ZNF623: variants seen among roughly 807,000 people sequenced by gnomAD.
The protein encoded by ZNF623 is zinc finger protein 623.
ZNF623 carries 16 observed loss-of-function variants against 24.0 expected under a neutral mutation model. That is an observed-to-expected ratio of 0.67 (90% confidence interval 0.45 to 1.01). The LOEUF is 1.01. ZNF623 is among the 50% of genes least tolerant of loss of function. ZNF623 has a pLI of 0.00. For synonymous variants in ZNF623, 224 were observed against 219.8 expected (o/e 1.02, Z -0.17); for missense variants, 566 against 606.5 (o/e 0.93, Z 0.70).
Position 143,651,999 on chromosome 8 carries a change from C to G in ZNF623, c.*516C>G, listed in dbSNP as rs1047327118. ...GTCCTGGAGCCCTGCCTCCCACTGC[C>G]TGACTTCCTGCCACACGGTTAATGC... is the stretch of plus-strand genomic sequence containing the variant. On this transcript the variant is annotated 3_prime_UTR_variant, in exon 2 of 2. Transcript: ENST00000526926. The G allele has an allele frequency of 5.9e-6, 1 of 168,354 alleles. No homozygotes were observed. The highest frequency in any genetic ancestry group is 1.5e-5 in the Non-Finnish European group (1 of 68,878). 10.4% of individuals were successfully genotyped at this position (168,354 alleles called of 1,614,324 possible). A position where few individuals can be genotyped will look rare whatever the true frequency, so the allele number is the denominator to read the frequency against.
At chr8:143,644,082 G>T (rs1423305769) in intron 1 of ZNF623, among the ~76,000 whole-genome samples, 2 of 152,122 alleles carry the variant, frequency 1.3e-5, no homozygotes, top group African/African-American at 4.8e-5. Flanking sequence ...GTACGGTGTT[G>T]TGATCTCTGC....
At chr8:143,647,157 T>TTGTTTTG (rs1554605151) in intron 1 of ZNF623, among the ~76,000 whole-genome samples, 1 of 151,378 alleles carries the variant, frequency 6.6e-6, no homozygotes, top group Non-Finnish European at 1.5e-5. Flanking sequence ...GTTTTTTTTT[T>TTGTTTTG]TTTTGTTTTG....
At chr8:143,644,404 C>T (rs928741618) in intron 1 of ZNF623, among the ~76,000 whole-genome samples, 1 of 152,088 alleles carries the variant, frequency 6.6e-6, no homozygotes, top group African/African-American at 2.4e-5. Flanking sequence ...ATTATATTGG[C>T]AGTGGCCTTG....
At chr8:143,645,810 C>G (rs1464910956) in intron 1 of ZNF623, among the ~76,000 whole-genome samples, 1 of 152,108 alleles carries the variant, frequency 6.6e-6, no homozygotes, top group Non-Finnish European at 1.5e-5. Context: ...GTTCTCACCT[C>G]GCACCCTGAG....
intron 1 of ZNF623, among the ~76,000 whole-genome samples, chr8:143,643,923 G>A (rs535958921): frequency 1.3e-5 from 2 of 152,272 alleles, no homozygotes; most frequent in East Asian, 1.9e-4. Context: ...TGCAGGGTAG[G>A]CTTGCAGTTT....
intron 1 of ZNF623, among the ~76,000 whole-genome samples, chr8:143,646,873 C>G (rs982387832): frequency 2.6e-5 from 4 of 152,034 alleles, no homozygotes; most frequent in African/African-American, 9.7e-5. Context: ...TCTACCTTGC[C>G]CAGGCAGACG....
Position 143,651,607 on chromosome 8 carries a change from G to C in ZNF623, c.*124G>C, listed in dbSNP as rs1815323929. The C allele has an allele frequency of 8.1e-6, 9 of 1,113,678 alleles. No homozygotes were observed. The highest frequency in any genetic ancestry group is 1.1e-5 in the Non-Finnish European group (9 of 785,130). 69.0% of individuals were successfully genotyped at this position (1,113,678 alleles called of 1,614,324 possible). On this transcript the variant is annotated 3_prime_UTR_variant, in exon 2 of 2. Transcript: ENST00000526926. ...ATGGATGGGGCTGCTTTTGCAGTGG[G>C]TGCCACCTGCCACTGTGCAGCCCTA...
rs1815377404 is a variant in ZNF623, at chr8:143,653,151, GT to G, written c.*1670del. 1 of 167,106 alleles carries G rather than the reference GT, an allele frequency of 6.0e-6. No individual in the cohort carries two copies. Among genetic ancestry groups the G allele is most frequent in the Non-Finnish European group, 1.5e-5 (1 of 68,136 alleles). The allele number at this position is 167,106 out of a possible 1,614,324, so 10.4% of individuals were successfully genotyped here. On this transcript the variant is annotated 3_prime_UTR_variant, in exon 2 of 2. Coordinates refer to ENST00000526926, the MANE Select transcript of ZNF623 (RefSeq NM_001261843.2). ...GACAGATGGCTTTTTGGCTAGGACTGTTCGAAAGCAGGCGAGGTAAATGGAC... is the reference window on the plus strand; with the variant it reads ...GACAGATGGCTTTTTGGCTAGGACTGTCGAAAGCAGGCGAGGTAAATGGAC...
At chr8:143,644,178 A>T (rs934833577) in intron 1 of ZNF623, among the ~76,000 whole-genome samples, 3 of 151,932 alleles carry the variant, frequency 2.0e-5, no homozygotes, top group African/African-American at 7.3e-5. Flanking sequence ...ATGCCACCAC[A>T]CCTGGATAAT....
At chr8:143,643,733 G>A (rs546294294) in intron 1 of ZNF623, among the ~76,000 whole-genome samples, 3 of 152,204 alleles carry the variant, frequency 2.0e-5, no homozygotes, top group Admixed American at 6.5e-5. Flanking sequence ...AAATGGAGTC[G>A]TACAATATGA....
At chr8:143,649,410 G>A (rs1336182799) in intron 1 of ZNF623, among the ~76,000 whole-genome samples, 6 of 152,090 alleles carry the variant, frequency 3.9e-5, no homozygotes, top group African/African-American at 1.4e-4. Context: ...AGGGGAGCCC[G>A]ATTCTGTGCA....
At chr8:143,640,333 T>C (rs564540716) in intron 1 of ZNF623, among the ~76,000 whole-genome samples, 1 of 152,362 alleles carries the variant, frequency 6.6e-6, no homozygotes, top group South Asian at 2.1e-4. Flanking sequence ...GGCTGCTGAC[T>C]GATCAGGGTG....
intron 1 of ZNF623, among the ~76,000 whole-genome samples, chr8:143,645,431 C>A (rs1440894687): frequency 2.5e-4 from 35 of 142,766 alleles, no homozygotes; most frequent in African/African-American, 5.2e-4. Flanking sequence ...GACTCCATCT[C>A]AAAAAAAAAA....
At chr8:143,642,629 G>C (rs571064584) in intron 1 of ZNF623, among the ~76,000 whole-genome samples, 1 of 152,136 alleles carries the variant, frequency 6.6e-6, no homozygotes, top group African/African-American at 2.4e-5. Flanking sequence ...CTCCTTTCAC[G>C]TGAGAGGCCA....
chr8:143,653,168 G>A lies in ZNF623; in HGVS notation c.*1685G>A, dbSNP rs554103327. ...CTAGGACTGTTCGAAAGCAGGCGAGGTAAATGGACAGTGGACAGCCGCCTC... is the reference window on the plus strand; with the variant it reads ...CTAGGACTGTTCGAAAGCAGGCGAGATAAATGGACAGTGGACAGCCGCCTC... On this transcript the variant is annotated 3_prime_UTR_variant, in exon 2 of 2. Coordinates refer to ENST00000526926, the MANE Select transcript of ZNF623 (RefSeq NM_001261843.2). 14 of 167,112 alleles carry A rather than the reference G, an allele frequency of 8.4e-5. No individual in the cohort carries two copies. Among genetic ancestry groups the A allele is most frequent in the South Asian group, 6.2e-4 (3 of 4,836 alleles). 10.4% of individuals were successfully genotyped at this position (167,112 alleles called of 1,614,324 possible).
In ZNF623 at chr8:143,649,788, G is replaced by A. The variant is rs888938161; in HGVS notation, c.-95-110G>A. 5.0e-6 allele frequency: 7 copies of A among 1,388,164 alleles called. No homozygotes were observed. In the African/African-American group the frequency reaches 7.1e-5, roughly 14 times the overall value. The allele number at this position is 1,388,164 out of a possible 1,614,324, so 86.0% of individuals were successfully genotyped here. A position where few individuals can be genotyped will look rare whatever the true frequency, so the allele number is the denominator to read the frequency against. On this transcript the variant is annotated intron_variant, in intron 1 of 1. Coordinates refer to ENST00000526926, the MANE Select transcript of ZNF623 (RefSeq NM_001261843.2). ...GCAGCATGTTGGGTCAGGATGAGGGGCAGAGGAAACACTTTCCACCTCTTG... is the reference window on the plus strand; with the variant it reads ...GCAGCATGTTGGGTCAGGATGAGGGACAGAGGAAACACTTTCCACCTCTTG...
At chr8:143,641,335 G>A (rs1407646902) in intron 1 of ZNF623, among the ~76,000 whole-genome samples, 1 of 152,120 alleles carries the variant, frequency 6.6e-6, no homozygotes, top group Non-Finnish European at 1.5e-5. Context: ...GTGACTCCCA[G>A]CCAGGGGCTG....
At position 143,639,786 on chromosome 8, in the gene ZNF623, G is replaced by C. The variant is rs1050003358; in HGVS notation, c.-96+3641G>C. ...GTGTTTCAAATAAGAAACTTGAGTT[G>C]TCTTATTCTCTCTTAAAGGTAGGGT... On this transcript the variant is annotated intron_variant, in intron 1 of 1. Coordinates refer to ENST00000526926, the MANE Select transcript of ZNF623 (RefSeq NM_001261843.2). 2.6e-5 allele frequency among the ~76,000 whole-genome samples: 4 copies of C among 152,326 alleles called. No individual in the cohort carries two copies. In the South Asian group the frequency reaches 8.3e-4, roughly 32 times the overall value.
chr8:143,651,213 T>C lies in ZNF623; in HGVS notation c.1221T>C (p.Leu407=). 6.2e-7 allele frequency: 1 copy of C among 1,614,176 alleles called. No homozygotes were observed. The highest frequency in any genetic ancestry group is 1.1e-5 in the South Asian group (1 of 91,090). Reference sequence around the variant, plus strand: ...CCTTCATCCAGAGCTCCAAGCTGCTTCTGCACCAGATTATTCACACTGGAG... The same window carrying C: ...CCTTCATCCAGAGCTCCAAGCTGCTCCTGCACCAGATTATTCACACTGGAG... ...GKAFIQSSKL[L]LHQIIHTGEK... is the part of the protein sequence containing the mutation. The change falls in exon 2 of 2, where the codon CTT becomes CTC. Residue 407 remains leucine (L), a synonymous_variant. Transcript: ENST00000526926.
Sources: gnomAD v4.1 joint callset for allele counts (sites outside exome capture counted in the v4.1 genomes callset) on GRCh38, gnomAD v4.1.1 for gene constraint, MANE v1.5 for transcripts, NCBI Gene and HGNC (gene_info 2026-07-23, HGNC 2026-07-21) for gene names.